Variants in CEP63 observed in about 807,000 individuals in gnomAD.
The protein encoded by CEP63 is centrosomal protein 63.
CEP63 carries 84 observed loss-of-function variants against 89.1 expected under a neutral mutation model. That is an observed-to-expected ratio of 0.94 (90% CI 0.79 to 1.13). The LOEUF is 1.13. Ranked by LOEUF, CEP63 falls within the 50% of genes most tolerant of loss-of-function variation. The probability of loss-of-function intolerance (pLI) is 0.00; values close to 1 mark genes in which losing one functional copy is unlikely to be tolerated. For synonymous variants in CEP63, 267 were observed against 272.5 expected, an observed-to-expected ratio of 0.98 and a Z score of 0.20; for missense variants, 838 against 813.3, an observed-to-expected ratio of 1.03 and a Z score of -0.37.
the CEP63 span, among the ~76,000 whole-genome samples, chr3:134,672,162 A>G: frequency 6.6e-6 from 1 of 152,248 alleles, no homozygotes; most frequent in Non-Finnish European, 1.5e-5. Flanking sequence ...GATTGAATTC[A>G]TACTATCACC....
At chr3:134,689,803 A>G in the CEP63 span, among the ~76,000 whole-genome samples, 3 of 152,284 alleles carry the variant, frequency 2.0e-5, no homozygotes, top group African/African-American at 7.2e-5. Flanking sequence ...TTAATGCATT[A>G]ATGGAGAAAC....
the CEP63 span, among the ~76,000 whole-genome samples, chr3:134,655,437 C>A: frequency 7.9e-3 from 1,204 of 152,320 alleles, 2 homozygotes; most frequent in Admixed American, 0.018. Context: ...TCCTTCCCAC[C>A]CTGATGGCAC....
At chr3:134,610,380 G>C in the CEP63 span, 1 of 1,610,716 alleles carries the variant, frequency 6.2e-7, no homozygotes, top group Admixed American at 1.7e-5. Context: ...GCACTCCGGC[G>C]AGCCTGGGGG....
At chr3:134,627,831 A>G in the CEP63 span, 1 of 1,606,076 alleles carries the variant, frequency 6.2e-7, no homozygotes, top group Non-Finnish European at 8.5e-7. Flanking sequence ...ACAATATTCC[A>G]AAGATCAGAA....
chr3:134,664,073 G>A, the CEP63 span, among the ~76,000 whole-genome samples: 4 of 152,198 alleles, frequency 2.6e-5, no homozygotes, highest in Non-Finnish European at 5.9e-5. Context: ...CCTTCCCTCT[G>A]GAGCCTGCAC....
chr3:134,638,362 G>A, the CEP63 span, among the ~76,000 whole-genome samples: 3 of 152,064 alleles, frequency 2.0e-5, no homozygotes, highest in African/African-American at 4.8e-5. Flanking sequence ...AGTAAAATTC[G>A]CAGTCAGATC....
downstream of CEP63, among the ~76,000 whole-genome samples, chr3:134,591,278 T>C (rs1958590957): frequency 6.6e-6 from 1 of 152,262 alleles, no homozygotes; most frequent in South Asian, 2.1e-4. Context: ...AGTGACTTGC[T>C]TTATTTCTTC....
intron 3 of CEP63, among the ~76,000 whole-genome samples, chr3:134,524,349 C>T (rs1948179957): frequency 6.6e-6 from 1 of 152,142 alleles, no homozygotes. Flanking sequence ...AGTTTGACTT[C>T]CTCTCTTCCT....
At chr3:134,511,795 A>T (rs904811421) in intron 3 of CEP63, among the ~76,000 whole-genome samples, 1 of 152,184 alleles carries the variant, frequency 6.6e-6, no homozygotes, top group Non-Finnish European at 1.5e-5. Flanking sequence ...GCAAGGGGGA[A>T]GTCTGCCCCC....
chr3:134,771,789 A>AT, the CEP63 span, among the ~76,000 whole-genome samples: 27 of 152,178 alleles, frequency 1.8e-4, no homozygotes, highest in East Asian at 7.7e-4. Flanking sequence ...CTTAAAGTAT[A>AT]TTTTTTTTAA....
intron 10 of CEP63, among the ~76,000 whole-genome samples, chr3:134,584,956 GTTTTT>G (rs780691730): frequency 8.3e-5 from 3 of 36,062 alleles, no homozygotes; most frequent in African/African-American, 1.7e-4. Context: ...ATTTTCTAGG[GTTTTT>G]TTTTTTTTTT....
downstream of CEP63, among the ~76,000 whole-genome samples, chr3:134,575,895 C>G (rs1958204153): frequency 1.3e-5 from 2 of 152,150 alleles, no homozygotes; most frequent in African/African-American, 4.8e-5. Flanking sequence ...CAGGCTTGAG[C>G]CACTGTGCTG....
At chr3:134,647,436 G>C in the CEP63 span, 2 of 1,605,956 alleles carry the variant, frequency 1.2e-6, no homozygotes, top group Admixed American at 3.4e-5. Flanking sequence ...AGAATTTACC[G>C]TGAAAGTCAT....
At chr3:134,690,742 GATTTTTT>G in the CEP63 span, among the ~76,000 whole-genome samples, 1 of 84,946 alleles carries the variant, frequency 1.2e-5, no homozygotes, top group Non-Finnish European at 2.0e-5. Flanking sequence ...GGAAGACCAA[GATTTTTT>G]TTTTTTTTTT....
intron 3 of CEP63, among the ~76,000 whole-genome samples, chr3:134,515,707 A>T (rs1034988958): frequency 6.6e-6 from 1 of 152,204 alleles, no homozygotes; most frequent in Non-Finnish European, 1.5e-5. Flanking sequence ...GCCAACATCT[A>T]CTATAACAGG....
At chr3:134,772,017 G>T in the CEP63 span, among the ~76,000 whole-genome samples, 7 of 152,264 alleles carry the variant, frequency 4.6e-5, no homozygotes, top group East Asian at 1.4e-3. Flanking sequence ...TGGATGAGGG[G>T]TTAGTTACAA....
chr3:134,547,404 C>T lies in CEP63; in HGVS notation c.999C>T (p.Leu333=). 6.2e-7 allele frequency: 1 copy of T among 1,613,678 alleles called. No individual in the cohort carries two copies. Among genetic ancestry groups the T allele is most frequent in the African/African-American group, 1.3e-5 (1 of 74,996 alleles). Reference sequence around the variant, plus strand: ...GGCAGGGGGACTTAGACAGTGTGCTCTCCCAGTTGAATTTTACCCATACTA... The same window carrying T: ...GGCAGGGGGACTTAGACAGTGTGCTTTCCCAGTTGAATTTTACCCATACTA... ...SQGQGDLDSV[L]SQLNFTHTSE... The change falls in exon 9 of 15, where the codon CTC becomes CTT. Residue 333 remains leucine (L), a synonymous_variant. Coordinates refer to ENST00000675561, the MANE Select transcript of CEP63 (RefSeq NM_001353108.3).
the CEP63 span, among the ~76,000 whole-genome samples, chr3:134,679,135 T>G: frequency 6.6e-6 from 1 of 152,236 alleles, no homozygotes; most frequent in Non-Finnish European, 1.5e-5. Context: ...AACATATATT[T>G]TAATATTTTT....
At chr3:134,554,672 A>G (rs1014159529) in intron 12 of CEP63, among the ~76,000 whole-genome samples, 12 of 152,240 alleles carry the variant, frequency 7.9e-5, no homozygotes, top group African/African-American at 2.9e-4. Context: ...GACTTCCACA[A>G]TGGTTGAACT....
Sources: gnomAD v4.1 joint callset for allele counts (sites outside exome capture counted in the v4.1 genomes callset) on GRCh38, gnomAD v4.1.1 for gene constraint, MANE v1.5 for transcripts, NCBI Gene and HGNC (gene_info 2026-07-23, HGNC 2026-07-21) for gene names.